The following FSHR variants were observed in gnomAD, a reference collection of about 807,000 sequenced individuals.
The protein encoded by FSHR is follicle-stimulating hormone receptor.
A neutral mutation model predicts 52.1 loss-of-function variants in FSHR; 46 were observed. The observed-to-expected ratio is 0.88, with a 90% CI of 0.70 to 1.13. FSHR has a LOEUF of 1.13. Among genes scored for constraint, FSHR ranks in the 50% most tolerant of loss-of-function variants. FSHR has a pLI of 0.00. For synonymous variants in FSHR, 399 were observed against 309.6 expected (o/e 1.29, Z -3.03); for missense variants, 964 against 834.6 (o/e 1.16, Z -1.91).
intron 2 of FSHR, among the ~76,000 whole-genome samples, chr2:49,050,649 T>C (rs922611451): frequency 6.6e-6 from 1 of 152,190 alleles, no homozygotes; most frequent in African/African-American, 2.4e-5. Context: ...TTCTTACCTT[T>C]TGTGAATGTC....
chr2:49,154,364 A>G lies in FSHR; in HGVS notation c.54T>C (p.Cys18=). ...TAGAGCAGTGACAGATCCGATGATG[A>G]CATCCTGAGCCCAAGCTCAGGAATG... is the stretch of plus-strand genomic sequence containing the variant. ...LLAFLSLGSG[C]HHRICHCSNR... is the part of the protein sequence containing the mutation. Residue 18 remains cysteine, a synonymous_variant, in exon 1 of 10, where the codon TGT becomes TGC. Coordinates refer to ENST00000406846, the MANE Select transcript of FSHR (RefSeq NM_000145.4). The G allele has an allele frequency of 6.2e-7, 1 of 1,613,472 alleles. No individual in the cohort carries two copies. Among genetic ancestry groups the G allele is most frequent in the East Asian group, 2.2e-5 (1 of 44,844 alleles).
chr2:49,102,577 A>G (rs1671071891), intron 1 of FSHR, among the ~76,000 whole-genome samples: 1 of 152,182 alleles, frequency 6.6e-6, no homozygotes, highest in Non-Finnish European at 1.5e-5. Context: ...GTACTGGGCA[A>G]TAAATAGAAT....
At chr2:49,105,295 G>A (rs1449763141) in intron 1 of FSHR, among the ~76,000 whole-genome samples, 4 of 151,966 alleles carry the variant, frequency 2.6e-5, no homozygotes, top group African/African-American at 9.7e-5. Context: ...TGCTTGCATT[G>A]GTATATCTCA....
intron 4 of FSHR, among the ~76,000 whole-genome samples, chr2:48,997,564 T>C (rs1170998139): frequency 6.6e-6 from 1 of 152,034 alleles, no homozygotes; most frequent in Non-Finnish European, 1.5e-5. Flanking sequence ...TATCATTTTT[T>C]AAGATGTGTA....
chr2:49,025,533 A>G (rs943467523), intron 2 of FSHR, among the ~76,000 whole-genome samples: 5 of 152,190 alleles, frequency 3.3e-5, no homozygotes, highest in African/African-American at 9.7e-5. Context: ...TGCATATAAT[A>G]TAATTATAAT....
intron 1 of FSHR, among the ~76,000 whole-genome samples, chr2:49,131,080 T>C (rs1470228347): frequency 1.3e-5 from 2 of 152,182 alleles, no homozygotes; most frequent in Non-Finnish European, 2.9e-5. Context: ...AGATGAGCCA[T>C]GTATCAGTAG....
At chr2:48,998,878 T>G (rs965504857) in intron 4 of FSHR, among the ~76,000 whole-genome samples, 1 of 152,124 alleles carries the variant, frequency 6.6e-6, no homozygotes, top group Non-Finnish European at 1.5e-5. Context: ...TAAGAGAAGA[T>G]GCAAATATCG....
chr2:49,100,608 G>A (rs900531102), intron 1 of FSHR, among the ~76,000 whole-genome samples: 6 of 152,186 alleles, frequency 3.9e-5, no homozygotes, highest in Admixed American at 1.3e-4. Flanking sequence ...TCCTGTGGTC[G>A]TGAAGATGGA....
chr2:49,115,041 C>T (rs145497500), intron 1 of FSHR, among the ~76,000 whole-genome samples: 10 of 150,876 alleles, frequency 6.6e-5, no homozygotes, highest in African/African-American at 2.4e-4. Context: ...CCAATGAAAG[C>T]CCAGTTGTGG....
chr2:49,122,204 T>G (rs1395709416), intron 1 of FSHR, among the ~76,000 whole-genome samples: 2 of 152,200 alleles, frequency 1.3e-5, no homozygotes, highest in African/African-American at 4.8e-5. Flanking sequence ...CTTTGTACTT[T>G]CATGATGGAA....
rs190443617 is a variant in FSHR, at chr2:49,121,368, C to A, written c.152+32898G>T. 3.9e-5 allele frequency among the ~76,000 whole-genome samples: 6 copies of A among 152,224 alleles called. No homozygotes were observed. In the East Asian group the frequency reaches 1.2e-3, roughly 29 times the overall value. ...CTTTGTGGAACCAAATAAGATAATG[C>A]CAAAGTGTTTTGTAAACTGTAAAGT... On this transcript the variant is annotated intron_variant, in intron 1 of 9. Coordinates refer to ENST00000406846, the MANE Select transcript of FSHR (RefSeq NM_000145.4).
At chr2:49,074,439 G>C (rs910074171) in intron 1 of FSHR, among the ~76,000 whole-genome samples, 3 of 152,008 alleles carry the variant, frequency 2.0e-5, no homozygotes, top group Non-Finnish European at 4.4e-5. Flanking sequence ...TGATCATCAG[G>C]AAAATTCAAA....
chr2:49,133,768 A>C lies in FSHR; in HGVS notation c.152+20498T>G, dbSNP rs187088816. Among the ~76,000 whole-genome samples, 43 of 152,322 alleles carry C rather than the reference A, an allele frequency of 2.8e-4. No individual in the cohort carries two copies. The East Asian group carries it at 8.3e-3, about 29-fold the overall frequency. On this transcript the variant is annotated intron_variant, in intron 1 of 9. Transcript: ENST00000406846. ...AGAGCCCTCAGAAATAATACCATAC[A>C]TCTACAACCATCTGATCTTTGACAA...
At position 48,962,474 on chromosome 2, in the gene FSHR, A is replaced by G; in HGVS notation, c.*259T>C. The G allele has an allele frequency of 2.2e-6, 1 of 451,512 alleles. No individual in the cohort carries two copies. Among genetic ancestry groups the G allele is most frequent in the African/African-American group, 2.0e-5 (1 of 50,648 alleles). 28.0% of individuals were successfully genotyped at this position (451,512 alleles called of 1,614,324 possible). A position where few individuals can be genotyped will look rare whatever the true frequency, so the allele number is the denominator to read the frequency against. ...ATCTGAACAAAAGCACTTTGAACAT[A>G]ACGTGCAAAAATAACATATATAAGG... On this transcript the variant is annotated 3_prime_UTR_variant, in exon 10 of 10. Coordinates refer to ENST00000406846, the MANE Select transcript of FSHR (RefSeq NM_000145.4).
Position 48,963,327 on chromosome 2 carries a change from A to C in FSHR, c.1494T>G (p.Phe498Leu). The C allele has an allele frequency of 1.2e-6, 2 of 1,614,016 alleles. No individual in the cohort carries two copies. The highest frequency in any genetic ancestry group is 1.7e-6 in the Non-Finnish European group (2 of 1,179,966). The change falls in exon 10 of 10, where the codon TTT becomes TTG. Residue 498 changes from phenylalanine to leucine, a missense_variant. By Grantham distance (22) the Phe-to-Leu change is conservative (BLOSUM62 0). Transcript: ENST00000406846. ...CAAAGATGGGAAAGAGGGCAGCTGCAAAAGCAAAAATCCAGCCCATCACCA... is the reference window on the plus strand; with the variant it reads ...CAAAGATGGGAAAGAGGGCAGCTGCCAAAGCAAAAATCCAGCCCATCACCA... ...SVMVMGWIFA[F>L]AAALFPIFGI...
intron 1 of FSHR, among the ~76,000 whole-genome samples, chr2:49,150,708 G>A (rs1198307288): frequency 1.3e-5 from 2 of 151,890 alleles, no homozygotes; most frequent in East Asian, 1.9e-4. Context: ...AAGGCTGCCC[G>A]TGAGTGAACC....
rs574852928 is a variant in FSHR, at chr2:48,972,729, AC to A, written c.669-3847del. Among the ~76,000 whole-genome samples, 475 of 152,338 alleles carry A rather than the reference AC, an allele frequency of 3.1e-3. 6 individuals carry two copies. The highest frequency in any genetic ancestry group is 0.011 in the African/African-American group (458 of 41,574). ...CCTCCAAGAAATGAGATTAAAAAAA[AC>A]ATTTTAGAAGTCCTTTAGGAACAAT... On this transcript the variant is annotated intron_variant, in intron 8 of 9. Transcript: ENST00000406846.
intron 1 of FSHR, among the ~76,000 whole-genome samples, chr2:49,130,196 G>A (rs1191648384): frequency 6.6e-6 from 1 of 152,150 alleles, no homozygotes; most frequent in Non-Finnish European, 1.5e-5. Context: ...TGTTTTGCTA[G>A]GAGGAATAAA....
At chr2:49,153,563 G>C (rs1360457882) in intron 1 of FSHR, among the ~76,000 whole-genome samples, 4 of 152,170 alleles carry the variant, frequency 2.6e-5, no homozygotes, top group African/African-American at 9.7e-5. Flanking sequence ...ATTTGCAAAA[G>C]AAAGAGAGAG....
Sources: allele counts gnomAD v4.1 joint callset (sites outside exome capture counted in the v4.1 genomes callset), GRCh38; gene constraint gnomAD v4.1.1; transcripts MANE v1.5; gene names NCBI Gene and HGNC (gene_info 2026-07-23, HGNC 2026-07-21).